The following SIPA1L2 variants were observed in gnomAD, a reference collection of about 807,000 sequenced individuals.
The protein encoded by SIPA1L2 is signal induced proliferation associated 1 like 2.
Under a neutral mutation model 163.9 loss-of-function variants are expected in SIPA1L2, and 56 were observed. That is an observed-to-expected ratio of 0.34 (90% CI 0.28 to 0.43). The LOEUF is 0.43. Ranked by LOEUF, SIPA1L2 falls within the 20% of genes least tolerant of loss-of-function variation. The pLI is 1.00. For missense variants in SIPA1L2, 1,974 were observed against 2,193.5 expected (o/e 0.90, Z 2.00); for synonymous variants, 877 against 865.7 (o/e 1.01, Z -0.23).
intron 15 of SIPA1L2, among the ~76,000 whole-genome samples, chr1:232,433,176 T>A (rs961236804): frequency 2.0e-5 from 3 of 152,198 alleles, no homozygotes; most frequent in Non-Finnish European, 4.4e-5. Context: ...AGAAGGATAT[T>A]CGATTAATAA....
At chr1:232,452,784 A>G (rs967022780) in intron 10 of SIPA1L2, among the ~76,000 whole-genome samples, 2 of 152,178 alleles carry the variant, frequency 1.3e-5, no homozygotes, top group African/African-American at 4.8e-5. Context: ...TAGGCTTAAA[A>G]CCCAGACATG....
At position 232,515,251 on chromosome 1, in the gene SIPA1L2, G is replaced by A. The variant is rs758317762; in HGVS notation, c.89C>T (p.Ser30Leu). Residue 30 changes from serine to leucine, a missense_variant, in exon 3 of 23, where the codon TCA (serine) becomes TTA (leucine). Physicochemically the swap from Ser to Leu is moderately radical, Grantham distance 145 (BLOSUM62 -2). Transcript: ENST00000674635. ...KFKDPPRIMQ[S>L]DDYFARKFKA... ...AAATTTCCGAGCAAAATAATCATCT[G>A]ACTGCATGATTCTAGGGGGATCCTT... 6.2e-7 allele frequency: 1 copy of A among 1,613,924 alleles called. No individual in the cohort carries two copies. The highest frequency in any genetic ancestry group is 1.3e-5 in the African/African-American group (1 of 74,902).
At chr1:232,559,796 A>G (rs1039013924) in intron 2 of SIPA1L2, among the ~76,000 whole-genome samples, 7 of 152,230 alleles carry the variant, frequency 4.6e-5, no homozygotes, top group African/African-American at 1.7e-4. Flanking sequence ...TTCAAAATAT[A>G]AGTAAATGAA....
Position 232,465,641 on chromosome 1 carries a change from G to A in SIPA1L2, c.2244-225C>T, listed in dbSNP as rs1413877638. 6.6e-6 allele frequency among the ~76,000 whole-genome samples: 1 copy of A among 151,854 alleles called. No homozygotes were observed. Among genetic ancestry groups the A allele is most frequent in the Non-Finnish European group, 1.5e-5 (1 of 67,980 alleles). On this transcript the variant is annotated intron_variant, in intron 8 of 22. Transcript: ENST00000674635. This position sits in a 1 kb window ranked among gnomAD's most constrained non-coding sequence, Gnocchi z 4.1. ...AGGGTTTGTTGTTATTGTTGTTTAA[G>A]CAAAATGCTTTAAACTTAGTAGACA...
Position 232,445,701 on chromosome 1 carries a change from T to G in SIPA1L2, c.3181A>C (p.Arg1061=), listed in dbSNP as rs1663175024. The G allele has an allele frequency of 3.1e-6, 5 of 1,613,688 alleles. No homozygotes were observed. The highest frequency in any genetic ancestry group is 4.2e-6 in the Non-Finnish European group (5 of 1,179,866). The change falls in exon 11 of 23, where the codon AGG becomes CGG. Residue 1061 remains arginine (R), a synonymous_variant. Coordinates refer to ENST00000674635, the MANE Select transcript of SIPA1L2 (RefSeq NM_020808.5). ...GTPCEYKTPF[R]RNTTWHRVPT... is the part of the protein sequence containing the mutation. ...ACCCGGTGCCACGTGGTGTTCCTCC[T>G]GAAGGGGGTTTTATACTCGCAGGGG...
intron 2 of SIPA1L2, among the ~76,000 whole-genome samples, chr1:232,520,705 C>G (rs1284042589): frequency 2.0e-5 from 3 of 152,018 alleles, no homozygotes; most frequent in Admixed American, 1.3e-4. Context: ...TTTTTCATGC[C>G]AGTATCCCAA....
intron 3 of SIPA1L2, among the ~76,000 whole-genome samples, chr1:232,500,041 G>A (rs1422343861): frequency 6.6e-6 from 1 of 151,946 alleles, no homozygotes. Flanking sequence ...ACAGTGGCAC[G>A]ATCTTGGCTC....
intron 1 of SIPA1L2, among the ~76,000 whole-genome samples, chr1:232,629,109 G>A (rs994546485): frequency 9.2e-5 from 14 of 152,318 alleles, no homozygotes; most frequent in Admixed American, 8.5e-4. Context: ...ACTCAAGCAG[G>A]TTAATGATGA....
intron 2 of SIPA1L2, among the ~76,000 whole-genome samples, chr1:232,570,237 A>G (rs1659641351): frequency 6.6e-6 from 1 of 152,216 alleles, no homozygotes; most frequent in Non-Finnish European, 1.5e-5. Context: ...CCCACAGAAC[A>G]AGTCTCCCTA....
chr1:232,514,599 T>A lies in SIPA1L2; in HGVS notation c.741A>T (p.Ala247=). The part of the protein sequence containing the change: ...DPAISPSLHA[A]AQISRGEFVR... ...CAAATTCTCCCCTAGAAATCTGTGC[T>A]GCTGCATGAAGGCTCGGAGAGATTG... The change falls in exon 3 of 23, where the codon GCA becomes GCT. Residue 247 remains alanine, a synonymous_variant. Transcript: ENST00000674635. 1 of 1,614,224 alleles carries A rather than the reference T, an allele frequency of 6.2e-7. No individual in the cohort carries two copies. Among genetic ancestry groups the A allele is most frequent in the Non-Finnish European group, 8.5e-7 (1 of 1,180,032 alleles).
chr1:232,439,579 C>T (rs1662768595), intron 14 of SIPA1L2, 83 bp from the exon 15 acceptor site: 3 of 1,492,752 alleles, frequency 2.0e-6, no homozygotes, highest in African/African-American at 1.4e-5. Context: ...AGCTACAAGC[C>T]ATGGGATCGC....
chr1:232,523,606 C>T (rs1667552765), intron 2 of SIPA1L2, among the ~76,000 whole-genome samples: 1 of 152,128 alleles, frequency 6.6e-6, no homozygotes, highest in Non-Finnish European at 1.5e-5. Context: ...TGTTTAGTGA[C>T]AGTGGGTAGC....
chr1:232,439,507 AAG>A lies in SIPA1L2; in HGVS notation c.3643-13_3643-12del, dbSNP rs762962175. ...ACTTTTATCCCCAATCTTCAGAAGA[AAG>A]AGGAACAGAGAGTTCTCAAGTGAAT... is the stretch of plus-strand genomic sequence containing the variant. On this transcript the variant is annotated splice_polypyrimidine_tract_variant and intron_variant, in intron 14 of 22. Coordinates refer to ENST00000674635, the MANE Select transcript of SIPA1L2 (RefSeq NM_020808.5). 8 of 1,606,200 alleles carry A rather than the reference AAG, an allele frequency of 5.0e-6. No individual in the cohort carries two copies. The Admixed American group carries it at 1.0e-4, about 20-fold the overall frequency.
Position 232,445,729 on chromosome 1 carries a change from GCC to G in SIPA1L2, c.3151_3152del (p.Gly1051HisfsTer6). Reference sequence around the variant, plus strand: ...AGGGGGTTTTATACTCGCAGGGGGTGCCCTCGCTGTCGAGTTTATATTCCACC... The same window carrying G: ...AGGGGGTTTTATACTCGCAGGGGGTGCTCGCTGTCGAGTTTATATTCCACC... ...PMVEYKLDSE[G>X]TPCEYKTPFR... On this transcript the variant is annotated frameshift_variant, in exon 11 of 23. Coordinates refer to ENST00000674635, the MANE Select transcript of SIPA1L2 (RefSeq NM_020808.5). LOFTEE classifies it high-confidence loss of function. The G allele has an allele frequency of 6.2e-7, 1 of 1,613,650 alleles. No homozygotes were observed. The highest frequency in any genetic ancestry group is 8.5e-7 in the Non-Finnish European group (1 of 1,179,914).
chr1:232,460,809 T>C (rs79523984), intron 10 of SIPA1L2, 78 bp downstream of exon 10: 3 of 1,528,232 alleles, frequency 2.0e-6, no homozygotes, highest in African/African-American at 1.4e-5. Flanking sequence ...TCTGAGGACC[T>C]TGCAGGAGCA....
At chr1:232,464,774 GAA>G in intron 9 of SIPA1L2, 64 bp downstream of exon 9, 2 of 1,323,350 alleles carry the variant, frequency 1.5e-6, no homozygotes, top group East Asian at 4.7e-5. Context: ...GTTCCCCAGT[GAA>G]AGTTATTTTG....
At chr1:232,628,716 A>G (rs1314965005) in intron 1 of SIPA1L2, among the ~76,000 whole-genome samples, 1 of 152,212 alleles carries the variant, frequency 6.6e-6, no homozygotes, top group Non-Finnish European at 1.5e-5. Flanking sequence ...TTGTAACACT[A>G]GAAAAATTAC....
intron 2 of SIPA1L2, among the ~76,000 whole-genome samples, chr1:232,535,721 C>T (rs188197834): frequency 3.9e-4 from 59 of 152,188 alleles, no homozygotes; most frequent in African/African-American, 1.3e-3. Flanking sequence ...TCAAATGCAC[C>T]GTGCCTCACA....
intron 10 of SIPA1L2, among the ~76,000 whole-genome samples, chr1:232,446,552 G>GCTTC (rs1663228968): frequency 6.6e-6 from 1 of 152,164 alleles, no homozygotes; most frequent in Non-Finnish European, 1.5e-5. Flanking sequence ...AAAGAGAAAA[G>GCTTC]CTTCCTTTTG....
Sources: allele counts gnomAD v4.1 joint callset (sites outside exome capture counted in the v4.1 genomes callset), GRCh38; gene constraint gnomAD v4.1.1; non-coding constraint Gnocchi (gnomAD v3.1); transcripts MANE v1.5; gene names NCBI Gene and HGNC (gene_info 2026-07-23, HGNC 2026-07-21).